Variants in HEMK2 observed in about 807,000 individuals in gnomAD.
HEMK2 encodes methyltransferase HEMK2.
chr21:28,878,940 AATAT>A, the HEMK2 span, among the ~76,000 whole-genome samples: 1 of 148,056 alleles, frequency 6.8e-6, no homozygotes, highest in African/African-American at 2.4e-5. Context: ...TATATTATTA[AATAT>A]ATATATTTAT....
chr21:28,850,290 T>TC, the HEMK2 span, among the ~76,000 whole-genome samples: 2 of 138,058 alleles, frequency 1.4e-5, no homozygotes, highest in African/African-American at 5.4e-5. Flanking sequence ...AGTGGCGCAA[T>TC]CTCGGCTCAC....
chr21:28,826,196 T>A, the HEMK2 span, among the ~76,000 whole-genome samples: 1 of 152,214 alleles, frequency 6.6e-6, no homozygotes, highest in African/African-American at 2.4e-5. Context: ...TCTCACTGCC[T>A]TTTGACAGTC....
chr21:28,840,362 G>T, the HEMK2 span, among the ~76,000 whole-genome samples: 1 of 152,104 alleles, frequency 6.6e-6, no homozygotes, highest in Non-Finnish European at 1.5e-5. Context: ...AACATAAATA[G>T]CTGGGACCTA....
the HEMK2 span, among the ~76,000 whole-genome samples, chr21:28,793,640 A>T: frequency 1.3e-5 from 2 of 152,320 alleles, no homozygotes; most frequent in Non-Finnish European, 1.5e-5. Flanking sequence ...CAGCATCCCA[A>T]TCCCCAAAAT....
At chr21:28,627,261 A>G in the HEMK2 span, among the ~76,000 whole-genome samples, 3 of 152,212 alleles carry the variant, frequency 2.0e-5, no homozygotes, top group African/African-American at 7.2e-5. Context: ...GGGTTATGGA[A>G]ATGTTACCTG....
At chr21:28,627,769 G>A in the HEMK2 span, among the ~76,000 whole-genome samples, 2 of 152,128 alleles carry the variant, frequency 1.3e-5, no homozygotes, top group Non-Finnish European at 2.9e-5. Context: ...AAGGACCAGA[G>A]GCTACTTTCT....
At chr21:28,787,492 C>T in the HEMK2 span, among the ~76,000 whole-genome samples, 7 of 147,998 alleles carry the variant, frequency 4.7e-5, 1 homozygote, top group Admixed American at 4.1e-4. Flanking sequence ...CCAGAATCTA[C>T]AGCAAACTCA....
chr21:28,658,668 T>C, the HEMK2 span, among the ~76,000 whole-genome samples: 2 of 152,126 alleles, frequency 1.3e-5, no homozygotes, highest in Non-Finnish European at 2.9e-5. Context: ...CAATCTCATA[T>C]GAGCTATTTG....
At chr21:28,598,517 C>T in the HEMK2 span, among the ~76,000 whole-genome samples, 48 of 152,162 alleles carry the variant, frequency 3.2e-4, no homozygotes, top group African/African-American at 1.2e-3. Flanking sequence ...ATGCAACTCC[C>T]CTGTGAAGGA....
the HEMK2 span, among the ~76,000 whole-genome samples, chr21:28,783,182 C>T: frequency 0.082 from 12,414 of 151,954 alleles, 1,162 homozygotes; most frequent in African/African-American, 0.22. Flanking sequence ...ATACGCATAG[C>T]CTGAAAGAAT....
chr21:28,746,004 G>C, the HEMK2 span, among the ~76,000 whole-genome samples: 37,314 of 152,126 alleles, frequency 0.25, 5,556 homozygotes, highest in African/African-American at 0.41. Context: ...AAAAGTGGTC[G>C]GCATTTAGTT....
chr21:28,782,125 A>G, the HEMK2 span, among the ~76,000 whole-genome samples: 2 of 152,166 alleles, frequency 1.3e-5, no homozygotes, highest in Non-Finnish European at 2.9e-5. Flanking sequence ...CTCCCCTTTA[A>G]CTTTTCAAAA....
At chr21:28,731,170 C>G in the HEMK2 span, among the ~76,000 whole-genome samples, 1 of 152,102 alleles carries the variant, frequency 6.6e-6, no homozygotes, top group African/African-American at 2.4e-5. Flanking sequence ...CTTTTCAAAT[C>G]GAAAGGAGCA....
chr21:28,628,833 A>G, the HEMK2 span, among the ~76,000 whole-genome samples: 1 of 152,240 alleles, frequency 6.6e-6, no homozygotes, highest in East Asian at 1.9e-4. Context: ...CAGAATCACA[A>G]GAAGCTTTTA....
the HEMK2 span, among the ~76,000 whole-genome samples, chr21:28,632,860 A>T: frequency 6.6e-6 from 1 of 152,210 alleles, no homozygotes; most frequent in Non-Finnish European, 1.5e-5. Context: ...TAGAAAAGAT[A>T]GCACTGGAGT....
chr21:28,610,159 A>AG, the HEMK2 span, among the ~76,000 whole-genome samples: 1 of 152,224 alleles, frequency 6.6e-6, no homozygotes, highest in African/African-American at 2.4e-5. Context: ...GTGAGGCAAA[A>AG]GCATCAGATA....
At chr21:28,589,545 A>G in the HEMK2 span, among the ~76,000 whole-genome samples, 254 of 152,256 alleles carry the variant, frequency 1.7e-3, 2 homozygotes, top group African/African-American at 5.4e-3. Flanking sequence ...TTCTGAAAGC[A>G]TTATGCATGT....
chr21:28,819,130 G>C, the HEMK2 span, among the ~76,000 whole-genome samples: 2 of 152,098 alleles, frequency 1.3e-5, no homozygotes, highest in African/African-American at 4.8e-5. Context: ...TCTGGTAGTT[G>C]CTCAAGGAAA....
chr21:28,881,678 C>A, the HEMK2 span, among the ~76,000 whole-genome samples: 1 of 139,164 alleles, frequency 7.2e-6, no homozygotes, highest in African/African-American at 2.8e-5. Context: ...GTTCCACAGG[C>A]TGGAGTGCAG....
Sources: allele counts gnomAD v4.1 joint callset (sites outside exome capture counted in the v4.1 genomes callset), GRCh38; gene constraint gnomAD v4.1.1; transcripts MANE v1.5; gene names NCBI Gene and HGNC (gene_info 2026-07-23, HGNC 2026-07-21).